The following SUMF1 variants were observed in gnomAD, a reference collection of about 807,000 sequenced individuals.
SUMF1 encodes formylglycine-generating enzyme.
A neutral mutation model predicts 47.6 loss-of-function variants in SUMF1; 48 were observed. The observed-to-expected ratio is 1.01, with a 90% CI of 0.80 to 1.28. The LOEUF is 1.28. SUMF1 is among the 50% of genes most tolerant of loss of function. SUMF1 has a pLI of 0.00. For synonymous variants in SUMF1, 230 were observed against 192.1 expected, an observed-to-expected ratio of 1.20 and a Z score of -1.63; for missense variants, 571 against 485.4, an observed-to-expected ratio of 1.18 and a Z score of -1.66.
intron 6 of SUMF1, among the ~76,000 whole-genome samples, chr3:4,416,512 C>T (rs541653860): frequency 1.3e-5 from 2 of 152,302 alleles, no homozygotes; most frequent in South Asian, 4.1e-4. Flanking sequence ...GATACATATA[C>T]ACCAGAAACA....
intron 8 of SUMF1, among the ~76,000 whole-genome samples, chr3:4,078,236 T>G (rs1692482062): frequency 6.6e-6 from 1 of 152,050 alleles, no homozygotes; most frequent in Non-Finnish European, 1.5e-5. Flanking sequence ...AAAATCAAAC[T>G]ATGCAGATGG....
rs529651333 is a variant in SUMF1, at chr3:4,229,194, G to A, written c.1014+147136C>T. 17 of 228,642 alleles carry A rather than the reference G, an allele frequency of 7.4e-5. 1 individual carries two copies. In the East Asian group the frequency reaches 2.3e-3, roughly 31 times the overall value. The allele number at this position is 228,642 out of a possible 1,614,324, so 14.2% of individuals were successfully genotyped here. ...CTGTGTGGCCAATCTCTCACTGGCT[G>A]GTCTAAACTTAGGACTCAAGAGAAG... is the stretch of plus-strand genomic sequence containing the variant. On this transcript the variant is annotated intron_variant and NMD_transcript_variant, in intron 8 of 12. Transcript: ENST00000448413.
chr3:4,294,672 G>T (rs180796752), intron 8 of SUMF1, among the ~76,000 whole-genome samples: 2 of 152,186 alleles, frequency 1.3e-5, no homozygotes, highest in Admixed American at 1.3e-4. Context: ...AAGTTGTCAG[G>T]CTGCCCAGGT....
chr3:4,287,860 TTAAAG>T (rs1269738738), intron 8 of SUMF1, among the ~76,000 whole-genome samples: 10 of 152,348 alleles, frequency 6.6e-5, no homozygotes, highest in East Asian at 1.9e-4. Flanking sequence ...CAAGCAAAGC[TTAAAG>T]TAAATTAGTA....
At chr3:4,437,673 T>G (rs1452791841) in intron 3 of SUMF1, among the ~76,000 whole-genome samples, 1 of 152,142 alleles carries the variant, frequency 6.6e-6, no homozygotes, top group African/African-American at 2.4e-5. Flanking sequence ...GCACGGTGGC[T>G]CACACCTGTA....
chr3:4,078,730 G>C (rs1407908117), intron 8 of SUMF1, among the ~76,000 whole-genome samples: 2 of 149,252 alleles, frequency 1.3e-5, no homozygotes, highest in Non-Finnish European at 3.0e-5. Flanking sequence ...AACACAGTGA[G>C]ACCCCCATCT....
intron 8 of SUMF1, among the ~76,000 whole-genome samples, chr3:4,287,420 T>A (rs948529683): frequency 7.2e-6 from 1 of 138,640 alleles, no homozygotes; most frequent in African/African-American, 2.8e-5. Context: ...AAAAAAAAAA[T>A]CTTTCACACA....
chr3:4,327,672 A>G (rs1388665901), intron 8 of SUMF1, among the ~76,000 whole-genome samples: 3 of 152,248 alleles, frequency 2.0e-5, no homozygotes, highest in South Asian at 4.1e-4. Flanking sequence ...AAAGTTAAAC[A>G]CCATTTCATA....
chr3:4,244,032 T>C (rs1356742148), intron 8 of SUMF1, among the ~76,000 whole-genome samples: 3 of 152,222 alleles, frequency 2.0e-5, no homozygotes, highest in South Asian at 2.1e-4. Context: ...TTATCTCTTT[T>C]GATCTTTGTT....
At chr3:4,176,215 C>A (rs1373090184) in intron 8 of SUMF1, among the ~76,000 whole-genome samples, 2 of 152,092 alleles carry the variant, frequency 1.3e-5, no homozygotes, top group African/African-American at 4.8e-5. Context: ...TCAAGAAGAG[C>A]AACCCCAAGA....
At position 4,331,813 on chromosome 3, in the gene SUMF1, GA is replaced by G. The variant is rs1380328012; in HGVS notation, c.1014+44516del. 3.3e-5 allele frequency among the ~76,000 whole-genome samples: 5 copies of G among 152,232 alleles called. No homozygotes were observed. The East Asian group carries it at 9.7e-4, about 29-fold the overall frequency. On this transcript the variant is annotated intron_variant and NMD_transcript_variant, in intron 8 of 12. Transcript: ENST00000448413. ...CCACTGCACTCTAGCCTAGGTAACAGAGCAAGACTCCATCTCCAAAAAATTA... is the reference window on the plus strand; with the variant it reads ...CCACTGCACTCTAGCCTAGGTAACAGGCAAGACTCCATCTCCAAAAAATTA...
chr3:4,104,011 G>C (rs112680661), intron 8 of SUMF1, among the ~76,000 whole-genome samples: 1 of 152,108 alleles, frequency 6.6e-6, no homozygotes, highest in African/African-American at 2.4e-5. Context: ...CAGAAGTCTG[G>C]ATATGAGAAG....
intron 8 of SUMF1, among the ~76,000 whole-genome samples, chr3:4,270,144 C>A (rs1697274392): frequency 6.6e-6 from 1 of 152,034 alleles, no homozygotes; most frequent in Non-Finnish European, 1.5e-5. Context: ...GGGGTCAGAG[C>A]CGGACTATCA....
chr3:4,406,668 CAAAAT>C (rs1440297812), intron 7 of SUMF1, among the ~76,000 whole-genome samples: 1 of 151,974 alleles, frequency 6.6e-6, no homozygotes, highest in Non-Finnish European at 1.5e-5. Context: ...TCAAATAAAA[CAAAAT>C]AAAACAAAAA....
At chr3:4,367,348 C>A (rs1340262192) in intron 8 of SUMF1, among the ~76,000 whole-genome samples, 1 of 152,236 alleles carries the variant, frequency 6.6e-6, no homozygotes, top group African/African-American at 2.4e-5. Flanking sequence ...GGCAGCCAGG[C>A]CTCCTTGAGC....
chr3:4,233,001 T>A (rs1031387828), intron 8 of SUMF1, among the ~76,000 whole-genome samples: 4 of 152,110 alleles, frequency 2.6e-5, no homozygotes, highest in African/African-American at 9.7e-5. Flanking sequence ...AATTTAAATA[T>A]GTGCAGCTGC....
intron 8 of SUMF1, among the ~76,000 whole-genome samples, chr3:4,097,907 G>A (rs983123813): frequency 2.6e-5 from 4 of 152,140 alleles, no homozygotes; most frequent in African/African-American, 9.7e-5. Flanking sequence ...CACAAAGAGA[G>A]ACATGCTTCC....
chr3:4,452,937 GCATC>G lies in SUMF1; in HGVS notation c.379_382del (p.Asp127ProfsTer13). 6.2e-7 allele frequency: 1 copy of G among 1,614,110 alleles called. No homozygotes were observed. The highest frequency in any genetic ancestry group is 8.5e-7 in the Non-Finnish European group (1 of 1,180,026). On this transcript the variant is annotated frameshift_variant, in exon 2 of 9. Transcript: ENST00000272902. LOFTEE classifies it high-confidence loss of function. ...AAATTCAGTATTACTGACTTCATAG[GCATC>G]CATGTAAAAGGCATCAATAGTAACT...
At chr3:4,228,745 A>G (rs931232730) in intron 8 of SUMF1, among the ~76,000 whole-genome samples, 22 of 152,112 alleles carry the variant, frequency 1.4e-4, no homozygotes, top group Admixed American at 2.0e-4. Flanking sequence ...TGACATATCA[A>G]TTCTTTTAAA....
Sources: gnomAD v4.1 joint callset for allele counts (sites outside exome capture counted in the v4.1 genomes callset) on GRCh38, gnomAD v4.1.1 for gene constraint, MANE v1.5 for transcripts, NCBI Gene and HGNC (gene_info 2026-07-23, HGNC 2026-07-21) for gene names.